Variants in GTF3C1 observed in about 807,000 individuals in gnomAD.
GTF3C1 encodes general transcription factor IIIC subunit 1.
GTF3C1 carries 57 observed loss-of-function variants against 226.7 expected under a neutral mutation model. The observed-to-expected ratio is 0.25, with a 90% confidence interval of 0.20 to 0.31. The LOEUF is 0.31. Ranked by LOEUF, GTF3C1 falls within the 10% of genes least tolerant of loss-of-function variation. The pLI is 1.00. For missense variants in GTF3C1, 2,217 were observed against 2,776.1 expected (o/e 0.80, Z 4.53); for synonymous variants, 1,090 against 1,084.8 (o/e 1.00, Z -0.09).
At position 27,505,994 on chromosome 16, in the gene GTF3C1, C is replaced by T. The variant is rs770395966; in HGVS notation, c.1675G>A (p.Val559Ile). 45 of 1,612,992 alleles carry T rather than the reference C, an allele frequency of 2.8e-5. No homozygotes were observed. The highest frequency in any genetic ancestry group is 5.3e-5 in the African/African-American group (4 of 74,892). ...ACAAAGGACACGTTGGGTTCTGAGACGCTGCTGGTATCTAAGAGGCTGTCC... is the reference window on the plus strand; with the variant it reads ...ACAAAGGACACGTTGGGTTCTGAGATGCTGCTGGTATCTAAGAGGCTGTCC... ...SRDSLLDTSS[V>I]SEPNVSFVSH... The change falls in exon 10 of 37, where the codon GTC (valine) becomes ATC (isoleucine). Residue 559 changes from valine (V) to isoleucine (I), a missense_variant. Val to Ile is a conservative substitution (Grantham distance 29, BLOSUM62 3). Transcript: ENST00000356183.
intron 15 of GTF3C1, 70 bp from the exon 16 acceptor site, chr16:27,494,978 C>T: frequency 7.2e-7 from 1 of 1,381,034 alleles, no homozygotes; most frequent in Non-Finnish European, 1.0e-6. Flanking sequence ...ATGGTAACGT[C>T]ATCTCCCAGG....
rs1596613989 is a variant in GTF3C1, at chr16:27,469,200, G to T, written c.5074+91C>A. The stretch of plus-strand genomic sequence containing the variant: ...TGTGGCTGCACGCCTGGCCTGGGGA[G>T]CCTGAAGGTCTAGGTCCCAGGCCAG... On this transcript the variant is annotated intron_variant, in intron 32 of 36. Transcript: ENST00000356183. This position sits in a 1 kb window ranked among gnomAD's most constrained non-coding sequence, Gnocchi z 4.5. 2.3e-6 allele frequency: 3 copies of T among 1,308,572 alleles called. No homozygotes were observed. Among genetic ancestry groups the T allele is most frequent in the East Asian group, 5.1e-5 (2 of 39,398 alleles). The allele number at this position is 1,308,572 out of a possible 1,614,324, so 81.1% of individuals were successfully genotyped here. A position where few individuals can be genotyped will look rare whatever the true frequency, so the allele number is the denominator to read the frequency against.
In GTF3C1 at chr16:27,488,252, C is replaced by A. The variant is rs1356974432; in HGVS notation, c.3675G>T (p.Gly1225=). The change falls in exon 23 of 37, where the codon GGG becomes GGT. Residue 1225 remains glycine, a synonymous_variant. Transcript: ENST00000356183. Reference sequence around the variant, plus strand: ...CTTTCTTCTTTCTCTTGATCTTCTTCCCAGGGTCCTTCTTCAGCCGCTTCC... The same window carrying A: ...CTTTCTTCTTTCTCTTGATCTTCTTACCAGGGTCCTTCTTCAGCCGCTTCC... ...QKRKRLKKDP[G]KKIKRKKKGE... is the part of the protein sequence containing the mutation. 2.5e-6 allele frequency: 4 copies of A among 1,614,170 alleles called. No individual in the cohort carries two copies. Among genetic ancestry groups the A allele is most frequent in the Non-Finnish European group, 3.4e-6 (4 of 1,180,006 alleles).
At chr16:27,501,630 G>C (rs994201588) in intron 11 of GTF3C1, among the ~76,000 whole-genome samples, 3 of 152,212 alleles carry the variant, frequency 2.0e-5, no homozygotes, top group African/African-American at 7.2e-5. Flanking sequence ...CAGGGAAACT[G>C]GGCACCATGA....
rs2088342390 is a variant in GTF3C1 at position 27,497,800 on chromosome 16, T to C, written c.2187A>G (p.Pro729=). ...CTTCTTCTGCCTCCCCTTGGGGCAC[T>C]GGAGGCTGGGAAGTTTTAACCCTGC... ...TANRVKTSQP[P]VPQGEAEEDS... The change falls in exon 14 of 37, where the codon CCA becomes CCG. Residue 729 remains proline (P), a synonymous_variant. Transcript: ENST00000356183. 1 of 1,613,152 alleles carries C rather than the reference T, an allele frequency of 6.2e-7. No homozygotes were observed. The highest frequency in any genetic ancestry group is 8.5e-7 in the Non-Finnish European group (1 of 1,179,600).
rs1241618426 is a variant in GTF3C1, at chr16:27,481,146, T to G, written c.4129A>C (p.Lys1377Gln). 1 of 1,614,214 alleles carries G rather than the reference T, an allele frequency of 6.2e-7. No homozygotes were observed. Among genetic ancestry groups the G allele is most frequent in the Non-Finnish European group, 8.5e-7 (1 of 1,180,024 alleles). Reference sequence around the variant, plus strand: ...GAATTCCTTAGGGCTGAACTGAACTTTTCTTTAAGCTTCTCCACAAATTCT... The same window carrying G: ...GAATTCCTTAGGGCTGAACTGAACTGTTCTTTAAGCTTCTCCACAAATTCT... ...FKEFVEKLKEKFSSALRNSNL... is the reference protein window; with the variant it reads ...FKEFVEKLKEQFSSALRNSNL... Residue 1377 changes from lysine (K) to glutamine (Q), a missense_variant, in exon 27 of 37, where the codon AAG (lysine) becomes CAG (glutamine). By Grantham distance (53) the Lys-to-Gln change is moderately conservative. Transcript: ENST00000356183.
intron 6 of GTF3C1, among the ~76,000 whole-genome samples, chr16:27,519,586 C>T (rs1596649539): frequency 6.6e-6 from 1 of 152,154 alleles, no homozygotes; most frequent in Admixed American, 6.5e-5. Flanking sequence ...AGTAAGTAAC[C>T]GATCCTCTAT....
chr16:27,494,421 A>C (rs2088282232), intron 16 of GTF3C1, among the ~76,000 whole-genome samples: 2 of 151,778 alleles, frequency 1.3e-5, no homozygotes, highest in African/African-American at 4.8e-5. Context: ...AACAAAAAAA[A>C]AAAACAAAAA....
chr16:27,537,921 A>G lies in GTF3C1; in HGVS notation c.615T>C (p.Asp205=). 1 of 1,613,990 alleles carries G rather than the reference A, an allele frequency of 6.2e-7. No homozygotes were observed. Among genetic ancestry groups the G allele is most frequent in the East Asian group, 2.2e-5 (1 of 44,886 alleles). The change falls in exon 4 of 37, where the codon GAT becomes GAC. Residue 205 remains aspartate, a synonymous_variant. Transcript: ENST00000356183. ...RDLHTTAFKV[D]AGKLHYHRKI... The stretch of plus-strand genomic sequence containing the variant: ...TTCTGTGATAGTGCAGCTTCCCAGC[A>G]TCAACCCTGGAGGAAAAGAGGAGCC...
Position 27,488,634 on chromosome 16 carries a change from T to C in GTF3C1, c.3431A>G (p.Glu1144Gly), listed in dbSNP as rs773335372. The change falls in exon 22 of 37, where the codon GAG (glutamate) becomes GGG (glycine). Residue 1144 changes from glutamate to glycine, a missense_variant and splice_region_variant. Transcript: ENST00000356183. ...GAGTCCATTCTCTGCGGCAGTGTTC[T>C]CCTGTGAGACAAGCACAGCACTGGG... ...TSYIINQAKK[E>G]NTAAENGLTV... 43 of 1,611,616 alleles carry C rather than the reference T, an allele frequency of 2.7e-5. 1 individual carries two copies. The South Asian group carries it at 4.7e-4, about 18-fold the overall frequency.
chr16:27,475,310 C>T (rs966742692), intron 29 of GTF3C1, among the ~76,000 whole-genome samples: 1 of 152,194 alleles, frequency 6.6e-6, no homozygotes, highest in Non-Finnish European at 1.5e-5. Flanking sequence ...CCCTAATGAT[C>T]GGGTCCTCAC....
chr16:27,481,463 G>A (rs1326818286), intron 26 of GTF3C1, among the ~76,000 whole-genome samples: 2 of 151,966 alleles, frequency 1.3e-5, no homozygotes, highest in African/African-American at 2.4e-5. Context: ...TGCATCGCTG[G>A]CACTCTCCCA....
chr16:27,545,817 C>T (rs1473561272), intron 1 of GTF3C1, among the ~76,000 whole-genome samples: 1 of 152,134 alleles, frequency 6.6e-6, no homozygotes, highest in African/African-American at 2.4e-5. Flanking sequence ...ACTCAGTCTC[C>T]AAACCACCAA....
At chr16:27,489,298 C>A in intron 20 of GTF3C1, 120 bp from the exon 21 acceptor site, 1 of 1,109,588 alleles carries the variant, frequency 9.0e-7, no homozygotes. Context: ...AGAAAAACAC[C>A]CCACAGGTAG....
At chr16:27,547,272 G>A (rs1596668791) in intron 1 of GTF3C1, among the ~76,000 whole-genome samples, 2 of 152,182 alleles carry the variant, frequency 1.3e-5, no homozygotes, top group East Asian at 3.8e-4. Flanking sequence ...ATTACCAGCT[G>A]CTAGGAATGA....
rs369299328 is a variant in GTF3C1 at position 27,465,236 on chromosome 16, C to T, written c.5355+24G>A. The T allele has an allele frequency of 6.2e-4, 1,004 of 1,609,162 alleles. 7 individuals are homozygous for T. Among genetic ancestry groups the T allele is most frequent in the South Asian group, 5.8e-3 (529 of 90,994 alleles). ...CTGCAATTTCCGCTTCGGTGATATC[C>T]GGCTAACCTAAAGCACAGCTCACCT... On this transcript the variant is annotated intron_variant, in intron 33 of 36. Coordinates refer to ENST00000356183, the MANE Select transcript of GTF3C1 (RefSeq NM_001520.4).
intron 4 of GTF3C1, among the ~76,000 whole-genome samples, chr16:27,533,693 A>G (rs546493562): frequency 6.6e-6 from 1 of 152,292 alleles, no homozygotes; most frequent in South Asian, 2.1e-4. Context: ...AATACTTTTA[A>G]GTTTAGGAAG....
chr16:27,468,465 A>C (rs764017320), intron 32 of GTF3C1, among the ~76,000 whole-genome samples: 1 of 152,176 alleles, frequency 6.6e-6, no homozygotes, highest in African/African-American at 2.4e-5. Flanking sequence ...TTAAAAAATT[A>C]GCTGGCTGTG....
At chr16:27,546,798 A>G (rs1012440847) in intron 1 of GTF3C1, among the ~76,000 whole-genome samples, 1 of 151,710 alleles carries the variant, frequency 6.6e-6, no homozygotes, top group Non-Finnish European at 1.5e-5. Flanking sequence ...TTGAGTTTTG[A>G]TCTTGTCACC....
Sources: gnomAD v4.1 joint callset for allele counts (sites outside exome capture counted in the v4.1 genomes callset) on GRCh38, gnomAD v4.1.1 for gene constraint, Gnocchi (gnomAD v3.1) non-coding constraint, MANE v1.5 for transcripts, NCBI Gene and HGNC (gene_info 2026-07-23, HGNC 2026-07-21) for gene names.